IWS1: variants seen among roughly 807,000 people sequenced by gnomAD.
The protein encoded by IWS1 is interacts with SUPT6H, CTD assembly factor 1.
Under a neutral mutation model 86.7 loss-of-function variants are expected in IWS1, and 27 were observed. The observed-to-expected ratio is 0.31, with a 90% CI of 0.23 to 0.43. The LOEUF is 0.43. Among genes scored for constraint, IWS1 ranks in the 20% least tolerant of loss-of-function variants. The pLI, the probability that IWS1 is intolerant of heterozygous loss-of-function variation, is 1.00. For synonymous variants in IWS1, 313 were observed against 335.1 expected, an observed-to-expected ratio of 0.93 and a Z score of 0.72; for missense variants, 827 against 1,000.8, an observed-to-expected ratio of 0.83 and a Z score of 2.34.
chr2:127,525,788 C>A (rs959448451), intron 1 of IWS1, among the ~76,000 whole-genome samples: 2 of 152,208 alleles, frequency 1.3e-5, no homozygotes, highest in Non-Finnish European at 2.9e-5. Context: ...AAGATTAAAC[C>A]ACTCCTAACT....
In IWS1 at chr2:127,496,057, T is replaced by C; in HGVS notation, c.1657A>G (p.Ile553Val). 1 of 1,614,078 alleles carries C rather than the reference T, an allele frequency of 6.2e-7. No individual in the cohort carries two copies. The highest frequency in any genetic ancestry group is 8.5e-7 in the Non-Finnish European group (1 of 1,179,994). The change falls in exon 7 of 14, where the codon ATT becomes GTT. Residue 553 changes from isoleucine to valine, a missense_variant. By Grantham distance (29) the Ile-to-Val change is conservative (BLOSUM62 3). This residue lies in a region of IWS1 where 279 missense variants were observed against 440.6 expected (regional missense o/e 0.63). Transcript: ENST00000295321. The part of the protein sequence containing the change: ...RRRNRDGGTF[I>V]SDADDVVSAM... ...CTCACGACGTCGTCTGCATCACTAATAAAGGTGCCACCATCGCGGTTCCGT... is the reference window on the plus strand; with the variant it reads ...CTCACGACGTCGTCTGCATCACTAACAAAGGTGCCACCATCGCGGTTCCGT...
chr2:127,503,830 GA>G (rs1391095512), intron 3 of IWS1, among the ~76,000 whole-genome samples: 1 of 151,974 alleles, frequency 6.6e-6, no homozygotes, highest in Non-Finnish European at 1.5e-5. Flanking sequence ...AAAAGATGAA[GA>G]AAGATATCAT....
rs1270888983 is a variant in IWS1 at position 127,505,928 on chromosome 2, T to C, written c.151-176A>G. The C allele has an allele frequency of 1.1e-5, 5 of 472,004 alleles. No homozygotes were observed. Among genetic ancestry groups the C allele is most frequent in the Non-Finnish European group, 1.5e-5 (4 of 271,606 alleles). 29.2% of individuals were successfully genotyped at this position (472,004 alleles called of 1,614,324 possible). A position where few individuals can be genotyped will look rare whatever the true frequency, so the allele number is the denominator to read the frequency against. ...CCCCACAGAAAGCCAATCAGTGAAA[T>C]GGTTTTATTTGGATCCCCAAATGGG... On this transcript the variant is annotated intron_variant, in intron 2 of 13. Coordinates refer to ENST00000295321, the MANE Select transcript of IWS1 (RefSeq NM_017969.3). The surrounding 1 kb of genome is among the most constrained non-coding windows in gnomAD (Gnocchi z 5.0).
chr2:127,487,868 C>T (rs1236011422), intron 12 of IWS1: 1 of 152,300 alleles, frequency 6.6e-6, no homozygotes, highest in Non-Finnish European at 1.5e-5. Flanking sequence ...ACTTTTATAA[C>T]CTTCATATAT....
chr2:127,483,600 T>TGGGGGGGGGGGGGGGG (rs1558736829), intron 13 of IWS1, among the ~76,000 whole-genome samples: 2 of 5,880 alleles, frequency 3.4e-4, no homozygotes, highest in Admixed American at 2.8e-3. Context: ...GTGGGGGGGT[T>TGGGGGGGGGGGGGGGG]GGGCTGTGTG....
At chr2:127,491,811 G>A (rs531655141) in intron 10 of IWS1, among the ~76,000 whole-genome samples, 160 bp downstream of exon 10, 3 of 152,032 alleles carry the variant, frequency 2.0e-5, no homozygotes, top group Non-Finnish European at 2.9e-5. Context: ...TAAAGTCTAA[G>A]AGAAAATGCT....
In IWS1 at chr2:127,489,515, A is replaced by C. The variant is rs1239992286; in HGVS notation, c.2160-280T>G. ...TATTATCAATACAAACTAAAACTAT[A>C]ACATTTTTTCTTCTAGGAACTCGGA... is the stretch of plus-strand genomic sequence containing the variant. On this transcript the variant is annotated intron_variant, in intron 11 of 13. Coordinates refer to ENST00000295321, the MANE Select transcript of IWS1 (RefSeq NM_017969.3). The surrounding 1 kb of genome is among the most constrained non-coding windows in gnomAD (Gnocchi z 4.8). 3 of 496,706 alleles carry C rather than the reference A, an allele frequency of 6.0e-6. No homozygotes were observed. Among genetic ancestry groups the C allele is most frequent in the African/African-American group, 3.9e-5 (2 of 50,942 alleles). The allele number at this position is 496,706 out of a possible 1,614,324, so 30.8% of individuals were successfully genotyped here.
chr2:127,505,265 C>A lies in IWS1; in HGVS notation c.638G>T (p.Ser213Ile), dbSNP rs374766966. ...PPKPRMSDSE[S>I]EELPKPQVSD... ...GACCTGAGGTTTAGGAAGCTCCTCACTTTCAGAATCACTCATTCGAGGTTT... is the reference window on the plus strand; with the variant it reads ...GACCTGAGGTTTAGGAAGCTCCTCAATTTCAGAATCACTCATTCGAGGTTT... The change falls in exon 3 of 14, where the codon AGT becomes ATT. Residue 213 changes from serine (S) to isoleucine (I), a missense_variant. Ser to Ile is a moderately radical substitution (Grantham distance 142). This residue lies in a region of IWS1 where 548 missense variants were observed against 560.2 expected (regional missense o/e 0.98). Coordinates refer to ENST00000295321, the MANE Select transcript of IWS1 (RefSeq NM_017969.3). This position sits in a 1 kb window ranked among gnomAD's most constrained non-coding sequence, Gnocchi z 5.0. 36 of 1,613,732 alleles carry A rather than the reference C, an allele frequency of 2.2e-5. No homozygotes were observed. The highest frequency in any genetic ancestry group is 5.0e-5 in the Admixed American group (3 of 60,010).
chr2:127,516,553 AG>A (rs907278004), intron 2 of IWS1, among the ~76,000 whole-genome samples: 10 of 152,166 alleles, frequency 6.6e-5, no homozygotes, highest in African/African-American at 2.2e-4. Context: ...ACTTGAGGTC[AG>A]GAGTTCAAGA....
intron 13 of IWS1, among the ~76,000 whole-genome samples, chr2:127,483,631 CGTGTGTGTGTGTGTGT>C (rs374712537): frequency 2.5e-5 from 1 of 39,852 alleles, no homozygotes; most frequent in African/African-American, 8.4e-5. Context: ...TGTGCGTGTG[CGTGTGTGTGTGTGTGT>C]GTTTTCTAGA....
upstream of IWS1, chr2:127,526,732 A>G: frequency 8.0e-7 from 1 of 1,248,360 alleles, no homozygotes; most frequent in Middle Eastern, 2.2e-4. Flanking sequence ...TTGTTTGAAG[A>G]GCTTTTGAGA....
chr2:127,527,206 C>T (rs548779835), upstream of IWS1, among the ~76,000 whole-genome samples: 2 of 152,302 alleles, frequency 1.3e-5, no homozygotes, highest in East Asian at 3.9e-4. Context: ...AAAACGCGTG[C>T]AGATGACCCC....
intron 1 of IWS1, among the ~76,000 whole-genome samples, chr2:127,525,112 AGGGGGGTG>A (rs1692326729): frequency 2.9e-4 from 1 of 3,470 alleles, no homozygotes; most frequent in Admixed American, 5.2e-3. Context: ...GTAGGGGCGT[AGGGGGGTG>A]GGGTACGGGC....
At chr2:127,509,604 A>T (rs1223082392) in intron 2 of IWS1, among the ~76,000 whole-genome samples, 1 of 150,462 alleles carries the variant, frequency 6.6e-6, no homozygotes, top group Non-Finnish European at 1.5e-5. Context: ...GCTACTTGAG[A>T]GGCTGAGGCA....
Position 127,499,152 on chromosome 2 carries a change from G to T in IWS1, c.1468-915C>A, listed in dbSNP as rs529206562. ...GTCGCCCAGGCCAGAGTGCAGTGGC[G>T]TGATCTCGGCTCACTGCAAGCTCCA... is the stretch of plus-strand genomic sequence containing the variant. On this transcript the variant is annotated intron_variant, in intron 5 of 13. Transcript: ENST00000295321. This position sits in a 1 kb window ranked among gnomAD's most constrained non-coding sequence, Gnocchi z 4.0. Among the ~76,000 whole-genome samples, 2 of 150,344 alleles carry T rather than the reference G, an allele frequency of 1.3e-5. No homozygotes were observed. Among genetic ancestry groups the T allele is most frequent in the African/African-American group, 4.9e-5 (2 of 40,782 alleles).
chr2:127,524,161 C>T (rs1312157787), intron 1 of IWS1, among the ~76,000 whole-genome samples: 1 of 152,152 alleles, frequency 6.6e-6, no homozygotes, highest in African/African-American at 2.4e-5. Flanking sequence ...GTCTTCTTCA[C>T]CTGAAAGAAA....
chr2:127,489,732 G>C lies in IWS1; in HGVS notation c.2159+100C>G. 1.3e-6 allele frequency: 1 copy of C among 752,816 alleles called. No individual in the cohort carries two copies. The highest frequency in any genetic ancestry group is 2.4e-6 in the Non-Finnish European group (1 of 416,170). The allele number at this position is 752,816 out of a possible 1,614,324, so 46.6% of individuals were successfully genotyped here. The stretch of plus-strand genomic sequence containing the variant: ...TACACATATCAAGCTGAGAGGAAAG[G>C]AAATCCTATCATCTTGCAGGCTTCC... On this transcript the variant is annotated intron_variant, in intron 11 of 13. Coordinates refer to ENST00000295321, the MANE Select transcript of IWS1 (RefSeq NM_017969.3). The surrounding 1 kb of genome is among the most constrained non-coding windows in gnomAD (Gnocchi z 4.8).
intron 1 of IWS1, 35 bp downstream of exon 1, chr2:127,526,140 G>T: frequency 1.3e-6 from 2 of 1,574,978 alleles, no homozygotes; most frequent in Non-Finnish European, 1.7e-6. Context: ...TAACTGCTCC[G>T]CCTCCCAGCC....
rs1361869954 is a variant in IWS1 at position 127,504,987 on chromosome 2, C to T, written c.916G>A (p.Gly306Arg). The T allele has an allele frequency of 6.2e-7, 1 of 1,613,960 alleles. No homozygotes were observed. Among genetic ancestry groups the T allele is most frequent in the South Asian group, 1.1e-5 (1 of 91,064 alleles). Reference sequence around the variant, plus strand: ...TCACTGGCAGGCCCCTTCTGAGGCCCCTCACTCTCAGAGTCACTGACTCGG... The same window carrying T: ...TCACTGGCAGGCCCCTTCTGAGGCCTCTCACTCTCAGAGTCACTGACTCGG... Reference protein sequence around the residue: ...KPRVSDSESEGPQKGPASDSE... With the variant: ...KPRVSDSESERPQKGPASDSE... Residue 306 changes from glycine (G) to arginine (R), a missense_variant, in exon 3 of 14, where the codon GGG becomes AGG. By Grantham distance (125) the Gly-to-Arg change is moderately radical. This residue lies in a region of IWS1 where 548 missense variants were observed against 560.2 expected (regional missense o/e 0.98). Transcript: ENST00000295321.
Sources: allele counts gnomAD v4.1 joint callset (sites outside exome capture counted in the v4.1 genomes callset), GRCh38; gene constraint gnomAD v4.1.1; regional missense constraint gnomAD v4.1.1; non-coding constraint Gnocchi (gnomAD v3.1); transcripts MANE v1.5; gene names NCBI Gene and HGNC (gene_info 2026-07-23, HGNC 2026-07-21).